The following CEP112 variants were observed in gnomAD, a reference collection of about 807,000 sequenced individuals.
The protein encoded by CEP112 is centrosomal protein 112.
CEP112 carries 127 observed loss-of-function variants against 153.0 expected under a neutral mutation model. The observed-to-expected ratio is 0.83, with a 90% CI of 0.72 to 0.96. The LOEUF (loss-of-function observed/expected upper bound fraction) is 0.96, where lower values mean the gene tolerates loss of function less well. CEP112 is among the 40% of genes least tolerant of loss of function. CEP112 has a pLI of 0.00. For missense variants in CEP112, 1,089 were observed against 1,101.2 expected (o/e 0.99, Z 0.16); for synonymous variants, 358 against 374.4 (o/e 0.96, Z 0.51).
At chr17:66,082,561 G>A (rs917582911) in intron 8 of CEP112, among the ~76,000 whole-genome samples, 11 of 152,156 alleles carry the variant, frequency 7.2e-5, no homozygotes, top group Middle Eastern at 6.8e-3. Flanking sequence ...TCAGGAGTTC[G>A]AGACCAGCCT....
intron 2 of CEP112, among the ~76,000 whole-genome samples, chr17:66,181,651 G>A (rs1157222976): frequency 1.3e-5 from 2 of 152,098 alleles, no homozygotes; most frequent in Non-Finnish European, 2.9e-5. Context: ...CACCGCGCTT[G>A]GCCCCTAAAA....
At chr17:65,792,339 C>A (rs570647971) in intron 21 of CEP112, among the ~76,000 whole-genome samples, 1 of 152,290 alleles carries the variant, frequency 6.6e-6, no homozygotes, top group Non-Finnish European at 1.5e-5. Context: ...GAAGCCTATA[C>A]AAGCTGATCC....
chr17:65,906,834 T>C (rs2060102008), intron 19 of CEP112, among the ~76,000 whole-genome samples: 2 of 152,206 alleles, frequency 1.3e-5, no homozygotes, highest in African/African-American at 4.8e-5. Flanking sequence ...AGTGAATGAA[T>C]GACTGAGATG....
chr17:65,646,111 T>C lies in CEP112; in HGVS notation c.2698-5046A>G, dbSNP rs2045417010. On this transcript the variant is annotated intron_variant, in intron 24 of 26. Transcript: ENST00000535342. ...CCCACTATTCACATGTGATGGTTTCTCTCTAGTAGGAGGCTAGGCCATAGA... is the reference window on the plus strand; with the variant it reads ...CCCACTATTCACATGTGATGGTTTCCCTCTAGTAGGAGGCTAGGCCATAGA... 2.0e-5 allele frequency among the ~76,000 whole-genome samples: 3 copies of C among 152,352 alleles called. No homozygotes were observed. In the South Asian group the frequency reaches 6.2e-4, roughly 32 times the overall value.
intron 20 of CEP112, among the ~76,000 whole-genome samples, chr17:65,898,825 C>T (rs975947044): frequency 3.3e-5 from 5 of 152,184 alleles, no homozygotes; most frequent in South Asian, 2.1e-4. Context: ...AAGATGGTGA[C>T]GCCACCTCTG....
intron 20 of CEP112, among the ~76,000 whole-genome samples, chr17:65,879,911 A>C (rs2058997718): frequency 6.6e-6 from 1 of 151,842 alleles, no homozygotes. Flanking sequence ...AACTGACAGA[A>C]GCCCAGAAAA....
At chr17:65,673,840 A>C (rs2047097568) in intron 24 of CEP112, among the ~76,000 whole-genome samples, 1 of 152,192 alleles carries the variant, frequency 6.6e-6, no homozygotes, top group South Asian at 2.1e-4. Context: ...CAACTTATCT[A>C]ACTAACAAAT....
chr17:65,685,094 T>C (rs2047716079), intron 24 of CEP112, among the ~76,000 whole-genome samples: 1 of 152,214 alleles, frequency 6.6e-6, no homozygotes, highest in Admixed American at 6.5e-5. Flanking sequence ...AAGTTAACCC[T>C]TTGTGCCCCA....
rs1211736704 is a variant in CEP112 at position 65,639,833 on chromosome 17, TTTC to T, written c.2799+1128_2799+1130del. ...CACATTTCTTTTTTTTCTCTCTTTC[TTTC>T]TTTTTTTTTTTTTTTTTTGAGACGG... On this transcript the variant is annotated intron_variant, in intron 25 of 26. Coordinates refer to ENST00000535342, the MANE Select transcript of CEP112 (RefSeq NM_001199165.4). Among the ~76,000 whole-genome samples the T allele has an allele frequency of 2.9e-3, 315 of 107,808 alleles. 3 individuals are homozygous for T. The highest frequency in any genetic ancestry group is 9.3e-3 in the African/African-American group (285 of 30,736). The allele number at this position is 107,808 out of a possible 152,430, so 70.7% of individuals were successfully genotyped here. A position where few individuals can be genotyped will look rare whatever the true frequency, so the allele number is the denominator to read the frequency against.
chr17:65,787,724 AT>A (rs1344375102), intron 21 of CEP112, among the ~76,000 whole-genome samples: 2 of 152,182 alleles, frequency 1.3e-5, no homozygotes, highest in Non-Finnish European at 2.9e-5. Context: ...TAGCAGAATC[AT>A]TTTTTAAATT....
chr17:65,834,477 T>C (rs1449674733), intron 21 of CEP112, among the ~76,000 whole-genome samples: 2 of 152,074 alleles, frequency 1.3e-5, no homozygotes, highest in African/African-American at 4.8e-5. Context: ...ATATCCAGCA[T>C]CTATAAGGAA....
chr17:65,931,379 C>G (rs559291893), intron 18 of CEP112, among the ~76,000 whole-genome samples: 11 of 152,350 alleles, frequency 7.2e-5, no homozygotes, highest in Admixed American at 7.2e-4. Context: ...TGTATCATCT[C>G]TCCCACAAAC....
intron 12 of CEP112, among the ~76,000 whole-genome samples, chr17:66,030,735 TC>T (rs2065427746): frequency 6.6e-6 from 1 of 152,180 alleles, no homozygotes; most frequent in Admixed American, 6.5e-5. Context: ...GTATTTATCA[TC>T]TTTTAGATAC....
At chr17:66,076,518 C>T (rs1036798863) in intron 8 of CEP112, among the ~76,000 whole-genome samples, 2 of 152,118 alleles carry the variant, frequency 1.3e-5, no homozygotes, top group African/African-American at 2.4e-5. Flanking sequence ...GACCTGGGAA[C>T]CTCACCCCTA....
At chr17:65,939,548 T>C (rs886517726) in intron 18 of CEP112, among the ~76,000 whole-genome samples, 4 of 152,178 alleles carry the variant, frequency 2.6e-5, no homozygotes, top group African/African-American at 9.6e-5. Context: ...AGCTGATACA[T>C]TAGCCAGAGG....
chr17:65,640,670 T>C (rs778627653), intron 25 of CEP112, among the ~76,000 whole-genome samples: 1 of 152,190 alleles, frequency 6.6e-6, no homozygotes, highest in Non-Finnish European at 1.5e-5. Flanking sequence ...TTGGACCTGA[T>C]ACCAAGAATA....
At chr17:65,743,044 T>G (rs1333610629) in intron 23 of CEP112, 24 bp downstream of exon 23, 1 of 1,579,116 alleles carries the variant, frequency 6.3e-7, no homozygotes, top group South Asian at 1.2e-5. Flanking sequence ...CTGGTACCAC[T>G]GGTTACTGAA....
chr17:65,870,069 G>GAAAGAAAGAAAGAAAGAAAGAAAA, intron 20 of CEP112, among the ~76,000 whole-genome samples: 1 of 142,958 alleles, frequency 7.0e-6, no homozygotes, highest in Non-Finnish European at 1.5e-5. Flanking sequence ...AAGAAAGAAA[G>GAAAGAAAGAAAGAAAGAAAGAAAA]AAAGAAAGAA....
Position 65,775,780 on chromosome 17 carries a change from G to A in CEP112, c.2395-25056C>T, listed in dbSNP as rs139544385. ...AGCCTCCCAAAGTGCTGGGATTACA[G>A]GCATGAGCCATTGCGCCCAGCAAAA... On this transcript the variant is annotated intron_variant, in intron 21 of 26. Transcript: ENST00000535342. Among the ~76,000 whole-genome samples, 830 of 152,304 alleles carry A rather than the reference G, an allele frequency of 5.4e-3. 55 individuals carry two copies. The East Asian group carries it at 0.14, about 26-fold the overall frequency.
Sources: gnomAD v4.1 joint callset for allele counts (sites outside exome capture counted in the v4.1 genomes callset) on GRCh38, gnomAD v4.1.1 for gene constraint, MANE v1.5 for transcripts, NCBI Gene and HGNC (gene_info 2026-07-23, HGNC 2026-07-21) for gene names.